CGNL1: variants seen among roughly 807,000 people sequenced by gnomAD.
The protein encoded by CGNL1 is cingulin like 1.
CGNL1 carries 132 observed loss-of-function variants against 141.2 expected under a neutral mutation model. The ratio of observed to expected loss-of-function variants is 0.93; its 90% CI spans 0.81 to 1.08. The LOEUF (loss-of-function observed/expected upper bound fraction) is 1.08, where lower values mean the gene tolerates loss of function less well. Ranked by LOEUF, CGNL1 falls within the 50% of genes least tolerant of loss-of-function variation. The pLI, the probability that CGNL1 is intolerant of heterozygous loss-of-function variation, is 0.00. For missense variants in CGNL1, 1,870 were observed against 1,588.6 expected (o/e 1.18, Z -3.01); for synonymous variants, 690 against 622.1 (o/e 1.11, Z -1.63).
At chr15:57,425,469 C>G (rs2062962211) in intron 1 of CGNL1, among the ~76,000 whole-genome samples, 1 of 152,234 alleles carries the variant, frequency 6.6e-6, no homozygotes, top group African/African-American at 2.4e-5. Flanking sequence ...AGGCCAGGTG[C>G]ACTGGCTCAC....
rs544686274 is a variant in CGNL1 at position 57,472,987 on chromosome 15, C to G, written c.2403+11095C>G. On this transcript the variant is annotated intron_variant, in intron 8 of 18. Transcript: ENST00000281282. Reference sequence around the variant, plus strand: ...ATGTGGAGTGGATGTTCTGAAATCTCTGAGCCATCCATGGACACTGCCCAG... The same window carrying G: ...ATGTGGAGTGGATGTTCTGAAATCTGTGAGCCATCCATGGACACTGCCCAG... Among the ~76,000 whole-genome samples, 32 of 152,284 alleles carry G rather than the reference C, an allele frequency of 2.1e-4. No individual in the cohort carries two copies. In the South Asian group the frequency reaches 6.2e-3, roughly 30 times the overall value.
intron 12 of CGNL1, 100 bp downstream of exon 12, chr15:57,524,851 A>G: frequency 8.2e-7 from 1 of 1,216,596 alleles, no homozygotes. Context: ...TTCGTGAGAC[A>G]GCTTTGGTGC....
At chr15:57,511,066 T>C (rs2030261871) in intron 8 of CGNL1, among the ~76,000 whole-genome samples, 1 of 152,192 alleles carries the variant, frequency 6.6e-6, no homozygotes, top group Non-Finnish European at 1.5e-5. Flanking sequence ...AAAGAAAATG[T>C]ATATTTATTT....
At chr15:57,458,558 CA>C (rs1302506382) in intron 7 of CGNL1, among the ~76,000 whole-genome samples, 1 of 152,164 alleles carries the variant, frequency 6.6e-6, no homozygotes, top group East Asian at 1.9e-4. Context: ...TGCTGGAAAA[CA>C]TAAGTGTGGG....
In CGNL1 at chr15:57,412,389, G is replaced by C. The variant is rs541113436; in HGVS notation, c.-15-25596G>C. Among the ~76,000 whole-genome samples, 14 of 152,316 alleles carry C rather than the reference G, an allele frequency of 9.2e-5. No homozygotes were observed. In the South Asian group the frequency reaches 2.1e-3, roughly 23 times the overall value. On this transcript the variant is annotated intron_variant, in intron 1 of 18. Transcript: ENST00000281282. ...TGCATCCTCTTTTCTCTTAAATGCT[G>C]TTCCTTACTCTGCTCTCCTCTGGCC...
intron 1 of CGNL1, among the ~76,000 whole-genome samples, chr15:57,399,097 A>T (rs1461230882): frequency 6.6e-6 from 1 of 152,226 alleles, no homozygotes; most frequent in African/African-American, 2.4e-5. Context: ...AAGTGCTCAG[A>T]GAGGTGGAGG....
At chr15:57,419,718 A>G (rs2062891983) in intron 1 of CGNL1, among the ~76,000 whole-genome samples, 1 of 152,160 alleles carries the variant, frequency 6.6e-6, no homozygotes, top group Non-Finnish European at 1.5e-5. Flanking sequence ...CACTACTGAT[A>G]TTGATCTTGA....
At chr15:57,383,125 CA>C (rs1414276520) in intron 1 of CGNL1, among the ~76,000 whole-genome samples, 1 of 152,014 alleles carries the variant, frequency 6.6e-6, no homozygotes, top group Non-Finnish European at 1.5e-5. Context: ...TTGCCCTAAT[CA>C]AGTATCAAAA....
intron 7 of CGNL1, 65 bp from the exon 8 acceptor site, chr15:57,461,615 A>C (rs1480783888): frequency 2.2e-6 from 3 of 1,353,822 alleles, no homozygotes; most frequent in Non-Finnish European, 3.2e-6. Context: ...ACTGGAGGGG[A>C]GATACAGGGC....
chr15:57,488,439 G>A (rs2063813679), intron 8 of CGNL1, among the ~76,000 whole-genome samples: 2 of 152,118 alleles, frequency 1.3e-5, no homozygotes, highest in African/African-American at 4.8e-5. Context: ...TGGTACTTGT[G>A]TTGTATCTAA....
At chr15:57,428,841 G>A (rs1159654637) in intron 1 of CGNL1, among the ~76,000 whole-genome samples, 1 of 152,090 alleles carries the variant, frequency 6.6e-6, no homozygotes, top group Non-Finnish European at 1.5e-5. Context: ...TGGCCAACAT[G>A]GTGAAACCCT....
intron 1 of CGNL1, among the ~76,000 whole-genome samples, chr15:57,393,469 T>C (rs1297630166): frequency 2.6e-5 from 4 of 152,220 alleles, no homozygotes; most frequent in Non-Finnish European, 4.4e-5. Flanking sequence ...GATTCCAGTG[T>C]GCTTTTGAAA....
At chr15:57,485,017 C>A (rs982846369) in intron 8 of CGNL1, among the ~76,000 whole-genome samples, 2 of 150,296 alleles carry the variant, frequency 1.3e-5, no homozygotes, top group Admixed American at 6.6e-5. Flanking sequence ...GTTTATATTG[C>A]TCTTCCTTTT....
At chr15:57,542,163 G>GA (rs1317723868) in intron 14 of CGNL1, among the ~76,000 whole-genome samples, 4 of 152,212 alleles carry the variant, frequency 2.6e-5, no homozygotes, top group African/African-American at 9.7e-5. Flanking sequence ...TGAGGAAGGG[G>GA]TGAGCTTATC....
At chr15:57,537,960 C>G (rs1181497324) in intron 14 of CGNL1, among the ~76,000 whole-genome samples, 1 of 152,252 alleles carries the variant, frequency 6.6e-6, no homozygotes, top group Non-Finnish European at 1.5e-5. Flanking sequence ...TTACTCTTCT[C>G]TGGTCCAGGA....
intron 9 of CGNL1, 24 bp downstream of exon 9, chr15:57,517,010 C>A: frequency 6.3e-7 from 1 of 1,596,738 alleles, no homozygotes; most frequent in South Asian, 1.1e-5. Flanking sequence ...GGCCCAGGCC[C>A]AGCTTTGGCA....
intron 7 of CGNL1, 124 bp from the exon 8 acceptor site, chr15:57,461,556 A>C: frequency 2.6e-6 from 2 of 766,128 alleles, no homozygotes; most frequent in Non-Finnish European, 4.6e-6. Flanking sequence ...GGGATGTGGA[A>C]GGAGAGAGTG....
intron 7 of CGNL1, among the ~76,000 whole-genome samples, chr15:57,455,448 C>T (rs546505699): frequency 7.9e-5 from 12 of 152,206 alleles, no homozygotes; most frequent in East Asian, 5.8e-4. Flanking sequence ...GCTGATTTTC[C>T]GCAGTAACTG....
chr15:57,508,246 GT>G (rs1338037822), intron 8 of CGNL1, among the ~76,000 whole-genome samples: 1 of 128,100 alleles, frequency 7.8e-6, no homozygotes, highest in Non-Finnish European at 1.5e-5. Flanking sequence ...AACCAACTGA[GT>G]TCTGAACTGT....
Sources: allele counts gnomAD v4.1 joint callset (sites outside exome capture counted in the v4.1 genomes callset), GRCh38; gene constraint gnomAD v4.1.1; transcripts MANE v1.5; gene names NCBI Gene and HGNC (gene_info 2026-07-23, HGNC 2026-07-21).